SPIN1: variants seen among roughly 807,000 people sequenced by gnomAD.
SPIN1 encodes spindlin-1.
SPIN1 carries 3 observed loss-of-function variants against 26.0 expected under a neutral mutation model. That is an observed-to-expected ratio of 0.12 (90% CI 0.05 to 0.30). The LOEUF (loss-of-function observed/expected upper bound fraction) is 0.30, where lower values mean the gene tolerates loss of function less well. SPIN1 is among the 10% of genes least tolerant of loss of function. The pLI, the probability that SPIN1 is intolerant of heterozygous loss-of-function variation, is 1.00. For missense variants in SPIN1, 126 were observed against 333.4 expected, an observed-to-expected ratio of 0.38 and a Z score of 4.84; for synonymous variants, 101 against 116.5, an observed-to-expected ratio of 0.87 and a Z score of 0.86.
In SPIN1 at chr9:88,451,752, G is replaced by T. The variant is rs183359695; in HGVS notation, c.101+2763G>T. ...ATTTTTGTATTTTTAGTATAGACAG[G>T]GTTTCACTGTGTTGGCCAGGCTGGT... On this transcript the variant is annotated intron_variant, in intron 3 of 5. Coordinates refer to ENST00000375859, the MANE Select transcript of SPIN1 (RefSeq NM_006717.3). Among the ~76,000 whole-genome samples the T allele has an allele frequency of 2.2e-3, 339 of 152,202 alleles. 7 individuals carry two copies. The highest frequency in any genetic ancestry group is 0.01 in the Middle Eastern group (3 of 294).
intron 2 of SPIN1, among the ~76,000 whole-genome samples, chr9:88,438,327 T>A (rs531719616): frequency 6.6e-6 from 1 of 152,302 alleles, no homozygotes; most frequent in African/African-American, 2.4e-5. Flanking sequence ...TAGAAGTATG[T>A]TGTTCAATCT....
intron 3 of SPIN1, among the ~76,000 whole-genome samples, chr9:88,454,446 A>C (rs1174001088): frequency 4.6e-5 from 7 of 152,070 alleles, no homozygotes; most frequent in Non-Finnish European, 1.0e-4. Flanking sequence ...TTTTATATAC[A>C]CTATTTCCAC....
chr9:88,404,254 G>A (rs1220269623), intron 1 of SPIN1, among the ~76,000 whole-genome samples: 1 of 152,164 alleles, frequency 6.6e-6, no homozygotes, highest in East Asian at 1.9e-4. Context: ...GGACATTATT[G>A]TGCACTATTG....
intron 1 of SPIN1, among the ~76,000 whole-genome samples, chr9:88,408,525 C>T (rs371207600): frequency 5.8e-4 from 88 of 151,364 alleles, no homozygotes; most frequent in African/African-American, 1.4e-3. Flanking sequence ...TACAGGTGCC[C>T]GCCACCAGGC....
chr9:88,437,512 A>G (rs1828029395), intron 2 of SPIN1, among the ~76,000 whole-genome samples: 1 of 144,108 alleles, frequency 6.9e-6, no homozygotes, highest in Non-Finnish European at 1.5e-5. Flanking sequence ...AAAAAAAAAA[A>G]GAAGGAAAGA....
chr9:88,446,833 T>C (rs1008394733), intron 2 of SPIN1, among the ~76,000 whole-genome samples: 5 of 152,252 alleles, frequency 3.3e-5, no homozygotes, highest in East Asian at 1.9e-4. Context: ...CTCTGTTCTT[T>C]AGCCATTTAA....
intron 1 of SPIN1, among the ~76,000 whole-genome samples, chr9:88,413,549 A>C (rs1292168826): frequency 6.7e-6 from 1 of 149,038 alleles, no homozygotes; most frequent in Non-Finnish European, 1.5e-5. Context: ...ACACCTGGCT[A>C]ATTTTTTTTA....
At chr9:88,422,577 T>C (rs1431801386) in intron 1 of SPIN1, among the ~76,000 whole-genome samples, 4 of 152,222 alleles carry the variant, frequency 2.6e-5, no homozygotes, top group African/African-American at 9.6e-5. Flanking sequence ...CTGCATTTCT[T>C]TCTGGTCTTA....
intron 5 of SPIN1, among the ~76,000 whole-genome samples, chr9:88,472,339 AT>A (rs1027045312): frequency 1.8e-4 from 27 of 152,108 alleles, no homozygotes; most frequent in African/African-American, 6.0e-4. Context: ...GGTTCCAGCG[AT>A]TCTCCTGCCT....
intron 3 of SPIN1, among the ~76,000 whole-genome samples, chr9:88,461,758 C>T (rs944737788): frequency 6.6e-6 from 1 of 152,088 alleles, no homozygotes; most frequent in South Asian, 2.1e-4. Context: ...AGATTTTTTC[C>T]TGATATCAAG....
In SPIN1 at chr9:88,477,625, C is replaced by T. The variant is rs1231236133; in HGVS notation, c.*2348C>T. ...TAATGACGCTATGACTAATTCTGCTCCCAAGCCCTTGTATCTTGGGCTTCA... is the reference window on the plus strand; with the variant it reads ...TAATGACGCTATGACTAATTCTGCTTCCAAGCCCTTGTATCTTGGGCTTCA... On this transcript the variant is annotated 3_prime_UTR_variant, in exon 6 of 6. Coordinates refer to ENST00000375859, the MANE Select transcript of SPIN1 (RefSeq NM_006717.3). The T allele has an allele frequency of 1.3e-5, 2 of 152,540 alleles. No homozygotes were observed. Among genetic ancestry groups the T allele is most frequent in the Non-Finnish European group, 2.9e-5 (2 of 68,020 alleles). The allele number at this position is 152,540 out of a possible 1,614,324, so 9.4% of individuals were successfully genotyped here.
chr9:88,462,890 A>T, intron 4 of SPIN1, 141 bp downstream of exon 4: 1 of 1,009,648 alleles, frequency 9.9e-7, no homozygotes, highest in African/African-American at 1.6e-5. Flanking sequence ...TAAATCACCG[A>T]AAACCACAAA....
At chr9:88,454,115 T>G (rs1037295300) in intron 3 of SPIN1, among the ~76,000 whole-genome samples, 9 of 152,196 alleles carry the variant, frequency 5.9e-5, no homozygotes, top group African/African-American at 2.2e-4. Context: ...CATTTCAAGA[T>G]GTCCTAGGTT....
chr9:88,447,532 T>G (rs956550398), intron 2 of SPIN1, among the ~76,000 whole-genome samples: 1 of 152,194 alleles, frequency 6.6e-6, no homozygotes, highest in Non-Finnish European at 1.5e-5. Flanking sequence ...CATTTCCTAG[T>G]TAGGGCCATC....
intron 1 of SPIN1, among the ~76,000 whole-genome samples, chr9:88,393,475 A>C (rs1456028244): frequency 4.6e-5 from 1 of 21,720 alleles, no homozygotes; most frequent in African/African-American, 2.5e-4. Flanking sequence ...TTTTTTTTTG[A>C]GACGGAGTCT....
At chr9:88,427,404 T>C (rs1324647518) in intron 2 of SPIN1, among the ~76,000 whole-genome samples, 1 of 152,172 alleles carries the variant, frequency 6.6e-6, no homozygotes, top group Non-Finnish European at 1.5e-5. Flanking sequence ...TTCTCTTTTA[T>C]AAAGATAATA....
chr9:88,470,601 C>T (rs1414448374), intron 5 of SPIN1, among the ~76,000 whole-genome samples: 5 of 143,210 alleles, frequency 3.5e-5, no homozygotes, highest in Non-Finnish European at 4.5e-5. Flanking sequence ...GGCCCCCCCC[C>T]TTTTTTTTTT....
At position 88,412,652 on chromosome 9, in the gene SPIN1, TG is replaced by T. The variant is rs561439245; in HGVS notation, c.-158-13729del. On this transcript the variant is annotated intron_variant, in intron 1 of 5. Coordinates refer to ENST00000375859, the MANE Select transcript of SPIN1 (RefSeq NM_006717.3). ...TTAAGTTATACAAATATTACTACCC[TG>T]TTAAACAGAAGACCATGGTGTCTTT... 8.5e-5 allele frequency among the ~76,000 whole-genome samples: 13 copies of T among 152,230 alleles called. No homozygotes were observed. The South Asian group carries it at 2.5e-3, about 29-fold the overall frequency.
chr9:88,451,188 T>C (rs1828345789), intron 3 of SPIN1, among the ~76,000 whole-genome samples: 1 of 152,140 alleles, frequency 6.6e-6, no homozygotes, highest in Non-Finnish European at 1.5e-5. Flanking sequence ...TTGCAAGGAA[T>C]AAGGGCCACC....
Sources: gnomAD v4.1 joint callset for allele counts (sites outside exome capture counted in the v4.1 genomes callset) on GRCh38, gnomAD v4.1.1 for gene constraint, MANE v1.5 for transcripts, NCBI Gene and HGNC (gene_info 2026-07-23, HGNC 2026-07-21) for gene names.